Variants in NCOA6 observed in about 807,000 individuals in gnomAD.
NCOA6 encodes NRC RAP250.
Under a neutral mutation model 171.4 loss-of-function variants are expected in NCOA6, and 49 were observed. The ratio of observed to expected loss-of-function variants is 0.29; its 90% confidence interval spans 0.23 to 0.36. The LOEUF is 0.36. Ranked by LOEUF, NCOA6 falls within the 10% of genes least tolerant of loss-of-function variation. NCOA6 has a pLI of 1.00. For synonymous variants in NCOA6, 910 were observed against 927.5 expected, an observed-to-expected ratio of 0.98 and a Z score of 0.34; for missense variants, 2,248 against 2,554.5, an observed-to-expected ratio of 0.88 and a Z score of 2.59.
In NCOA6 at chr20:34,776,408, G is replaced by A. The variant is rs550829943; in HGVS notation, c.276C>T (p.Asn92=). 4.3e-6 allele frequency: 7 copies of A among 1,614,146 alleles called. No homozygotes were observed. The African/African-American group carries it at 8.0e-5, about 18-fold the overall frequency. The change falls in exon 4 of 15, where the codon AAC becomes AAT. Residue 92 remains asparagine (N), a synonymous_variant. Coordinates refer to ENST00000359003, the MANE Select transcript of NCOA6 (RefSeq NM_014071.5). Reference sequence around the variant, plus strand: ...GGATGTTGAATGTCACACGCACGCTGTTCCAGGGCTCCACCTTCTGTACTT... The same window carrying A: ...GGATGTTGAATGTCACACGCACGCTATTCCAGGGCTCCACCTTCTGTACTT... ...KLKVQKVEPW[N]SVRVTFNIPR... is the part of the protein sequence containing the mutation.
In NCOA6 at chr20:34,756,190, T is replaced by G. The variant is rs2076635453; in HGVS notation, c.1528+1030A>C. ...CATTTGCAGGAGGGACTACCCAGCT[T>G]CCACTGATCTGGGGTAGATACCCAG... is the stretch of plus-strand genomic sequence containing the variant. On this transcript the variant is annotated intron_variant, in intron 7 of 14. Transcript: ENST00000359003. Among the ~76,000 whole-genome samples, 4 of 152,326 alleles carry G rather than the reference T, an allele frequency of 2.6e-5. No individual in the cohort carries two copies. In the South Asian group the frequency reaches 8.3e-4, roughly 32 times the overall value.
At position 34,749,624 on chromosome 20, in the gene NCOA6, G is replaced by A; in HGVS notation, c.2571C>T (p.Phe857=). 1 of 1,614,218 alleles carries A rather than the reference G, an allele frequency of 6.2e-7. No individual in the cohort carries two copies. Among genetic ancestry groups the A allele is most frequent in the Non-Finnish European group, 8.5e-7 (1 of 1,180,032 alleles). Residue 857 remains phenylalanine (F), a synonymous_variant, in exon 9 of 15, where the codon TTC becomes TTT. Coordinates refer to ENST00000359003, the MANE Select transcript of NCOA6 (RefSeq NM_014071.5). ...SGHGMSFNAP[F]SGAPNGNQMS... Reference sequence around the variant, plus strand: ...TCTGATTTCCATTGGGAGCTCCACTGAAAGGTGCATTGAAAGACATCCCAT... The same window carrying A: ...TCTGATTTCCATTGGGAGCTCCACTAAAAGGTGCATTGAAAGACATCCCAT...
intron 11 of NCOA6, among the ~76,000 whole-genome samples, chr20:34,738,111 C>T (rs915648511): frequency 3.9e-5 from 6 of 152,096 alleles, no homozygotes; most frequent in South Asian, 2.1e-4. Flanking sequence ...CCTCATTGCC[C>T]GGCATGGTCT....
chr20:34,742,475 G>A lies in NCOA6; in HGVS notation c.3781C>T (p.Pro1261Ser), dbSNP rs1196836255. ...CCCCTGTTTAAATTTGGCCTAGGAG[G>A]TAAAGGAATATTAATCTGTGGAGGG... The part of the protein sequence containing the change: ...LFPPQINIPL[P>S]PRPNLNRGFD... The change falls in exon 11 of 15, where the codon CCT becomes TCT. Residue 1261 changes from proline to serine, a missense_variant. Physicochemically the swap from Pro to Ser is moderately conservative, Grantham distance 74 (BLOSUM62 -1). Around this residue, in one of 7 missense-constraint regions of NCOA6, gnomAD observed 14 missense variants for 17.6 expected, o/e 0.80. Transcript: ENST00000359003. 1 of 1,614,218 alleles carries A rather than the reference G, an allele frequency of 6.2e-7. No individual in the cohort carries two copies.
chr20:34,799,631 C>T (rs959899926), intron 1 of NCOA6, among the ~76,000 whole-genome samples: 1 of 152,124 alleles, frequency 6.6e-6, no homozygotes, highest in Non-Finnish European at 1.5e-5. Flanking sequence ...TACAATGGAA[C>T]TCCAATACAT....
At chr20:34,805,622 C>T (rs2078423565) in intron 1 of NCOA6, among the ~76,000 whole-genome samples, 1 of 151,744 alleles carries the variant, frequency 6.6e-6, no homozygotes, top group Non-Finnish European at 1.5e-5. Flanking sequence ...ATACTGATTT[C>T]CTTTCCTTTG....
chr20:34,716,027 G>C (rs1988529924), intron 14 of NCOA6, among the ~76,000 whole-genome samples: 1 of 151,998 alleles, frequency 6.6e-6, no homozygotes, highest in African/African-American at 2.4e-5. Context: ...GACTAGTTTG[G>C]CCAACATGGC....
intron 12 of NCOA6, among the ~76,000 whole-genome samples, chr20:34,735,088 AT>A (rs1299431993): frequency 2.6e-5 from 4 of 152,134 alleles, no homozygotes; most frequent in African/African-American, 9.7e-5. Flanking sequence ...AAGGAGATTC[AT>A]TTACGCCAGA....
At chr20:34,800,953 A>G (rs1354333512) in intron 1 of NCOA6, among the ~76,000 whole-genome samples, 2 of 152,226 alleles carry the variant, frequency 1.3e-5, no homozygotes, top group South Asian at 4.1e-4. Context: ...AGGACAGACC[A>G]TATGTTAGGC....
At chr20:34,721,019 T>C (rs1181076248) in intron 14 of NCOA6, among the ~76,000 whole-genome samples, 1 of 152,164 alleles carries the variant, frequency 6.6e-6, no homozygotes, top group Non-Finnish European at 1.5e-5. Flanking sequence ...TTTTTGGTTT[T>C]TGTCCCACGT....
chr20:34,776,788 C>T, intron 3 of NCOA6: 1 of 470,828 alleles, frequency 2.1e-6, no homozygotes, highest in Non-Finnish European at 4.2e-6. Flanking sequence ...GAACGGAAAG[C>T]CGTAAGATGG....
At chr20:34,776,872 A>C (rs926705777) in intron 3 of NCOA6, 3 of 417,136 alleles carry the variant, frequency 7.2e-6, no homozygotes, top group Non-Finnish European at 1.4e-5. Context: ...TAATCCCAGC[A>C]CTTCGGGAGG....
At chr20:34,810,499 T>C (rs530109317) in intron 1 of NCOA6, among the ~76,000 whole-genome samples, 31 of 151,970 alleles carry the variant, frequency 2.0e-4, no homozygotes, top group African/African-American at 7.5e-4. Flanking sequence ...TATTGTACCA[T>C]CCATATGAGG....
intron 14 of NCOA6, among the ~76,000 whole-genome samples, chr20:34,724,378 A>G (rs1989719609): frequency 6.6e-6 from 1 of 152,192 alleles, no homozygotes; most frequent in Non-Finnish European, 1.5e-5. Flanking sequence ...TCTTGCCTAG[A>G]GACATAACCT....
In NCOA6 at chr20:34,742,924, T is replaced by C. The variant is rs1383926774; in HGVS notation, c.3332A>G (p.Lys1111Arg). ...CTGCGGGCTCTCCTGATAGACCATT[T>C]TCCTTGAATTGCTTCCCAAGGGAGT... is the stretch of plus-strand genomic sequence containing the variant. ...VNTPLGSNSRKMVYQESPQNP... is the reference protein window; with the variant it reads ...VNTPLGSNSRRMVYQESPQNP... Residue 1111 changes from lysine to arginine, a missense_variant, in exon 11 of 15, where the codon AAA becomes AGA. Transcript: ENST00000359003. 1 of 1,614,188 alleles carries C rather than the reference T, an allele frequency of 6.2e-7. No homozygotes were observed. Among genetic ancestry groups the C allele is most frequent in the African/African-American group, 1.3e-5 (1 of 75,034 alleles).
chr20:34,737,711 C>T (rs976596373), intron 11 of NCOA6, among the ~76,000 whole-genome samples: 18 of 152,252 alleles, frequency 1.2e-4, no homozygotes, highest in Admixed American at 5.9e-4. Flanking sequence ...GTCTAAAATC[C>T]TAGATAAACT....
chr20:34,822,740 G>A (rs780605740), intron 1 of NCOA6, among the ~76,000 whole-genome samples: 2 of 152,220 alleles, frequency 1.3e-5, no homozygotes, highest in African/African-American at 2.4e-5. Context: ...ATGCCTGGCA[G>A]TAGGAGTAGG....
chr20:34,737,921 CAG>C (rs2076006424), intron 11 of NCOA6, among the ~76,000 whole-genome samples: 2 of 152,184 alleles, frequency 1.3e-5, no homozygotes, highest in South Asian at 4.1e-4. Context: ...TCTCCTGAGA[CAG>C]AGCCTTGCTC....
At chr20:34,778,269 T>TGGGCTTG (rs1309105436) in intron 3 of NCOA6, among the ~76,000 whole-genome samples, 1 of 152,190 alleles carries the variant, frequency 6.6e-6, no homozygotes, top group Non-Finnish European at 1.5e-5. Flanking sequence ...TTGAGCATCT[T>TGGGCTTG]ACGCTAAGCG....
Sources: allele counts gnomAD v4.1 joint callset (sites outside exome capture counted in the v4.1 genomes callset), GRCh38; gene constraint gnomAD v4.1.1; regional missense constraint gnomAD v4.1.1; transcripts MANE v1.5; gene names NCBI Gene and HGNC (gene_info 2026-07-23, HGNC 2026-07-21).